TNS3: variants seen among roughly 807,000 people sequenced by gnomAD.
TNS3 encodes the protein tensin-3.
In TNS3, 45 loss-of-function variants were observed where a neutral mutation model predicts 140.9. The ratio of observed to expected loss-of-function variants is 0.32; its 90% confidence interval spans 0.25 to 0.41. TNS3 has a LOEUF of 0.41. Ranked by LOEUF, TNS3 falls within the 10% of genes least tolerant of loss-of-function variation. The pLI is 1.00. For missense variants in TNS3, 1,716 were observed against 1,906.7 expected, an observed-to-expected ratio of 0.90 and a Z score of 1.86; for synonymous variants, 815 against 788.4, an observed-to-expected ratio of 1.03 and a Z score of -0.56.
chr7:47,450,362 A>G (rs1795960453), intron 4 of TNS3, among the ~76,000 whole-genome samples: 2 of 152,224 alleles, frequency 1.3e-5, no homozygotes, highest in Non-Finnish European at 2.9e-5. Context: ...ACAGAATAGC[A>G]ATGTGGTTAA....
intron 1 of TNS3, among the ~76,000 whole-genome samples, chr7:47,532,071 C>A (rs979605530): frequency 2.6e-5 from 4 of 151,502 alleles, no homozygotes; most frequent in African/African-American, 4.9e-5. Flanking sequence ...AAGCCCCCCC[C>A]CGCCCACCAT....
chr7:47,402,188 G>A (rs559061680), intron 13 of TNS3, among the ~76,000 whole-genome samples: 8 of 152,284 alleles, frequency 5.3e-5, no homozygotes, highest in African/African-American at 1.9e-4. Context: ...AGACCCAGAA[G>A]ATGTTTACCT....
In TNS3 at chr7:47,304,952, C is replaced by A; in HGVS notation, c.2702G>T (p.Ser901Ile). Residue 901 changes from serine (S) to isoleucine (I), a missense_variant, in exon 21 of 31, where the codon AGC (serine) becomes ATC (isoleucine). Physicochemically the swap from Ser to Ile is moderately radical, Grantham distance 142. Coordinates refer to ENST00000311160, the MANE Select transcript of TNS3 (RefSeq NM_022748.12). ...CATCGTGGATTTGGGTCCGATGGGG[C>A]TCTCTGACATCCCCACAGCGTGAGT... ...TLTHAVGMSE[S>I]PIGPKSTMLR... 7.0e-7 allele frequency: 1 copy of A among 1,421,562 alleles called. No homozygotes were observed. Among genetic ancestry groups the A allele is most frequent in the Non-Finnish European group, 9.3e-7 (1 of 1,073,600 alleles). The allele number at this position is 1,421,562 out of a possible 1,614,324, so 88.1% of individuals were successfully genotyped here. A position where few individuals can be genotyped will look rare whatever the true frequency, so the allele number is the denominator to read the frequency against.
chr7:47,298,865 A>C (rs544525799), intron 23 of TNS3, among the ~76,000 whole-genome samples: 6 of 152,348 alleles, frequency 3.9e-5, no homozygotes, highest in African/African-American at 1.2e-4. Context: ...GGAGGAGCTC[A>C]ACATGCCCCT....
At chr7:47,549,486 TC>T (rs1019056311) in intron 1 of TNS3, among the ~76,000 whole-genome samples, 1 of 151,500 alleles carries the variant, frequency 6.6e-6, no homozygotes. Context: ...AGAGGGAAAC[TC>T]CATCTCAAAA....
intron 16 of TNS3, among the ~76,000 whole-genome samples, chr7:47,382,796 C>T (rs937836122): frequency 7.9e-5 from 12 of 151,968 alleles, no homozygotes; most frequent in African/African-American, 1.7e-4. Context: ...CTAAATACAC[C>T]GTATTTTCAA....
Position 47,352,267 on chromosome 7 carries a change from TCA to T in TNS3, c.2282-5913_2282-5912del, listed in dbSNP as rs1458077834. ...CTGGCACTCACACACGTGCAGTCTC[TCA>T]CAGTGTTTTTCATGATACACACATT... On this transcript the variant is annotated intron_variant, in intron 17 of 30. Transcript: ENST00000311160. Among the ~76,000 whole-genome samples the T allele has an allele frequency of 1.6e-4, 24 of 152,222 alleles. No individual in the cohort carries two copies. The East Asian group carries it at 2.9e-3, about 18-fold the overall frequency.
intron 20 of TNS3, among the ~76,000 whole-genome samples, chr7:47,330,764 G>A (rs1469499389): frequency 6.6e-6 from 1 of 152,086 alleles, no homozygotes; most frequent in Non-Finnish European, 1.5e-5. Flanking sequence ...GCCCAGAGAA[G>A]ACACACGGGA....
At chr7:47,557,618 C>G (rs1400147726) in intron 1 of TNS3, among the ~76,000 whole-genome samples, 1 of 152,204 alleles carries the variant, frequency 6.6e-6, no homozygotes, top group African/African-American at 2.4e-5. Flanking sequence ...GCAGAATACT[C>G]TCTGGGATTT....
chr7:47,543,626 G>T (rs534837349), intron 1 of TNS3, among the ~76,000 whole-genome samples: 6 of 151,428 alleles, frequency 4.0e-5, no homozygotes, highest in African/African-American at 1.5e-4. Flanking sequence ...CTTGAAAGCA[G>T]TACTGCTTTG....
Position 47,497,055 on chromosome 7 carries a change from CA to C in TNS3, c.-115+9851del, listed in dbSNP as rs997899735. Among the ~76,000 whole-genome samples, 5 of 45,128 alleles carry C rather than the reference CA, an allele frequency of 1.1e-4. No individual in the cohort carries two copies. The African/African-American group carries it at 1.1e-3, about 10-fold the overall frequency. 29.6% of individuals were successfully genotyped at this position (45,128 alleles called of 152,430 possible). On this transcript the variant is annotated intron_variant, in intron 3 of 30. Coordinates refer to ENST00000311160, the MANE Select transcript of TNS3 (RefSeq NM_022748.12). The stretch of plus-strand genomic sequence containing the variant: ...TATGGAACCACTTTCAGGTGGGCCT[CA>C]GGCTAAGTCTGAGGCACTAATTAAG...
intron 20 of TNS3, among the ~76,000 whole-genome samples, chr7:47,309,127 G>A (rs1786929783): frequency 6.6e-6 from 1 of 152,128 alleles, no homozygotes; most frequent in Admixed American, 6.5e-5. Context: ...TACTTTTCAG[G>A]GATCGTTGTC....
intron 1 of TNS3, among the ~76,000 whole-genome samples, chr7:47,567,899 A>G (rs1326648103): frequency 6.6e-6 from 1 of 152,206 alleles, no homozygotes; most frequent in Non-Finnish European, 1.5e-5. Flanking sequence ...ATCGATCAGT[A>G]ATAAGGAACA....
intron 16 of TNS3, among the ~76,000 whole-genome samples, chr7:47,383,073 T>C (rs1374925813): frequency 6.6e-6 from 1 of 152,124 alleles, no homozygotes; most frequent in African/African-American, 2.4e-5. Flanking sequence ...TGGGAAAGAT[T>C]AGAGGTATAA....
chr7:47,497,375 T>A (rs1369804771), intron 3 of TNS3, among the ~76,000 whole-genome samples: 2 of 152,188 alleles, frequency 1.3e-5, no homozygotes, highest in African/African-American at 4.8e-5. Context: ...CACCAGGCCC[T>A]GTGCTTGGGG....
chr7:47,347,345 T>C (rs981467077), intron 17 of TNS3, among the ~76,000 whole-genome samples: 7 of 151,870 alleles, frequency 4.6e-5, no homozygotes, highest in Admixed American at 6.6e-5. Context: ...TCGTGCTGAG[T>C]CCATGATATG....
chr7:47,437,259 G>C lies in TNS3; in HGVS notation c.201+4C>G, dbSNP rs1192139097. On this transcript the variant is annotated splice_donor_region_variant and intron_variant, in intron 7 of 30. Coordinates refer to ENST00000311160, the MANE Select transcript of TNS3 (RefSeq NM_022748.12). ...TGCAGAATATAAAGGGATGAACTCT[G>C]TACCTTTGGGTTAAGCTTCGTAAGG... 2 of 1,555,252 alleles carry C rather than the reference G, an allele frequency of 1.3e-6. No individual in the cohort carries two copies. The highest frequency in any genetic ancestry group is 1.7e-6 in the Non-Finnish European group (2 of 1,156,222).
At chr7:47,411,611 C>T (rs554370378) in intron 13 of TNS3, 116 bp downstream of exon 13, 3 of 1,091,392 alleles carry the variant, frequency 2.7e-6, no homozygotes, top group East Asian at 2.6e-5. Flanking sequence ...CTTCTTCCTA[C>T]AGGGTACTTT....
chr7:47,534,571 G>A (rs577920539), intron 1 of TNS3, among the ~76,000 whole-genome samples: 2 of 152,248 alleles, frequency 1.3e-5, no homozygotes, highest in African/African-American at 4.8e-5. Context: ...ACACTGGAAT[G>A]TTGTCAAACC....
Sources: gnomAD v4.1 joint callset for allele counts (sites outside exome capture counted in the v4.1 genomes callset) on GRCh38, gnomAD v4.1.1 for gene constraint, MANE v1.5 for transcripts, NCBI Gene and HGNC (gene_info 2026-07-23, HGNC 2026-07-21) for gene names.